ADAMTS2: variants seen among roughly 807,000 people sequenced by gnomAD.
ADAMTS2 encodes ADAM metallopeptidase with thrombospondin type 1 motif 2, also known as A disintegrin and metalloproteinase with thrombospondin motifs 2.
Under a neutral mutation model 123.0 loss-of-function variants are expected in ADAMTS2, and 50 were observed. The ratio of observed to expected loss-of-function variants is 0.41; its 90% CI spans 0.32 to 0.51. ADAMTS2 has a LOEUF of 0.51. Among genes scored for constraint, ADAMTS2 ranks in the 20% least tolerant of loss-of-function variants. ADAMTS2 has a pLI of 0.35. For synonymous variants in ADAMTS2, 678 were observed against 695.4 expected (o/e 0.98, Z 0.39); for missense variants, 1,494 against 1,705.2 (o/e 0.88, Z 2.18).
In ADAMTS2 at chr5:179,181,121, G is replaced by A. The variant is rs1253197089; in HGVS notation, c.926C>T (p.Ala309Val). Residue 309 changes from alanine (A) to valine (V), a missense_variant, in exon 5 of 22, where the codon GCC (alanine) becomes GTC (valine). This residue lies in a region of ADAMTS2 where 70 missense variants were observed against 85.3 expected (regional missense o/e 0.82). Transcript: ENST00000251582. The surrounding 1 kb of genome is among the most constrained non-coding windows in gnomAD (Gnocchi z 4.1). ...NEIYHDESLG[A>V]HINVVLVRII... ...CCGCACCAGGACCACGTTGATGTGG[G>A]CACCCAAGGACTCGTCATGGTAGAT... is the stretch of plus-strand genomic sequence containing the variant. 1.9e-6 allele frequency: 3 copies of A among 1,613,970 alleles called. No homozygotes were observed. In the Admixed American group the frequency reaches 5.0e-5, roughly 27 times the overall value.
chr5:179,227,286 A>G (rs1765312334), intron 3 of ADAMTS2, among the ~76,000 whole-genome samples: 1 of 152,230 alleles, frequency 6.6e-6, no homozygotes, highest in Non-Finnish European at 1.5e-5. Flanking sequence ...TCCTTAGTCC[A>G]GCCAAAAAGC....
At chr5:179,302,727 G>A (rs1581258807) in intron 2 of ADAMTS2, among the ~76,000 whole-genome samples, 1 of 152,160 alleles carries the variant, frequency 6.6e-6, no homozygotes, top group Admixed American at 6.5e-5. Context: ...TATTGTTGAG[G>A]GGGGCGGGGG....
At chr5:179,316,716 C>T (rs796279029) in intron 2 of ADAMTS2, among the ~76,000 whole-genome samples, 14 of 152,238 alleles carry the variant, frequency 9.2e-5, no homozygotes, top group South Asian at 2.1e-4. Flanking sequence ...GGCCAAGAAC[C>T]GCTTAAGTCC....
intron 2 of ADAMTS2, among the ~76,000 whole-genome samples, chr5:179,315,767 G>A (rs1208700327): frequency 6.6e-6 from 1 of 152,204 alleles, no homozygotes; most frequent in East Asian, 1.9e-4. Context: ...AGAGGGCTTG[G>A]TGGCTGCACC....
chr5:179,140,988 T>A (rs1414865757), intron 10 of ADAMTS2, among the ~76,000 whole-genome samples: 4 of 149,484 alleles, frequency 2.7e-5, no homozygotes, highest in East Asian at 2.0e-4. Flanking sequence ...TTTTTTTTTT[T>A]ATTTTTAGTA....
At chr5:179,226,598 G>A (rs530835077) in intron 3 of ADAMTS2, among the ~76,000 whole-genome samples, 18 of 152,064 alleles carry the variant, frequency 1.2e-4, no homozygotes, top group African/African-American at 4.1e-4. Flanking sequence ...GAAGACGCTC[G>A]ACCTCACCCT....
In ADAMTS2 at chr5:179,126,620, C is replaced by T. The variant is rs112062982; in HGVS notation, c.2618-490G>A. On this transcript the variant is annotated intron_variant, in intron 17 of 21. Coordinates refer to ENST00000251582, the MANE Select transcript of ADAMTS2 (RefSeq NM_014244.5). ...CAACTGGGGGAAGGGGTGCTACTGG[C>T]ATCTGGTGAGCAAAGGCCAAGGATG... 1.1e-3 allele frequency among the ~76,000 whole-genome samples: 165 copies of T among 152,358 alleles called. 1 individual carries two copies. Among genetic ancestry groups the T allele is most frequent in the African/African-American group, 3.7e-3 (152 of 41,592 alleles).
intron 4 of ADAMTS2, among the ~76,000 whole-genome samples, chr5:179,193,333 G>A (rs932864561): frequency 2.0e-5 from 3 of 152,138 alleles, no homozygotes; most frequent in African/African-American, 4.8e-5. Flanking sequence ...ACTTCCCCGC[G>A]TGCGATATCT....
At position 179,256,529 on chromosome 5, in the gene ADAMTS2, TGAGA is replaced by T. The variant is rs35916564; in HGVS notation, c.688+16378_688+16381del. Reference sequence around the variant, plus strand: ...GGGTGTGTGCATGCCTGCGTGTGTGTGAGAGAGAGAGAGGAGAGAGAGACGGAGA... The same window carrying T: ...GGGTGTGTGCATGCCTGCGTGTGTGTGAGAGAGAGGAGAGAGAGACGGAGA... On this transcript the variant is annotated intron_variant, in intron 3 of 21. Transcript: ENST00000251582. This position sits in a 1 kb window ranked among gnomAD's most constrained non-coding sequence, Gnocchi z 4.1. Among the ~76,000 whole-genome samples, 41,383 of 151,250 alleles carry T rather than the reference TGAGA, an allele frequency of 0.27. 7,152 individuals are homozygous for T. The highest frequency in any genetic ancestry group is 0.36 in the Non-Finnish European group (24,194 of 67,562).
rs1243318032 is a variant in ADAMTS2 at position 179,153,724 on chromosome 5, T to C, written c.1383-101A>G. 12 of 1,460,204 alleles carry C rather than the reference T, an allele frequency of 8.2e-6. No homozygotes were observed. The South Asian group carries it at 1.4e-4, about 17-fold the overall frequency. The allele number at this position is 1,460,204 out of a possible 1,614,324, so 90.5% of individuals were successfully genotyped here. A position where few individuals can be genotyped will look rare whatever the true frequency, so the allele number is the denominator to read the frequency against. On this transcript the variant is annotated intron_variant, in intron 8 of 21. Coordinates refer to ENST00000251582, the MANE Select transcript of ADAMTS2 (RefSeq NM_014244.5). ...CCTGCTGGAGCTGCCATGGCAGCCC[T>C]ACCTGCACATCCCGGCCCCTGGCTG...
At chr5:179,313,858 G>A (rs1447452815) in intron 2 of ADAMTS2, among the ~76,000 whole-genome samples, 1 of 64,046 alleles carries the variant, frequency 1.6e-5, no homozygotes, top group African/African-American at 6.5e-5. Flanking sequence ...CAGAGGGGAC[G>A]CACACGCATT....
intron 3 of ADAMTS2, among the ~76,000 whole-genome samples, chr5:179,271,668 C>T (rs1405663499): frequency 1.3e-5 from 2 of 152,238 alleles, no homozygotes; most frequent in African/African-American, 2.4e-5. Flanking sequence ...GCATAGCAGA[C>T]GCTGATTTGT....
rs193289061 is a variant in ADAMTS2 at position 179,236,118 on chromosome 5, G to A, written c.689-28403C>T. On this transcript the variant is annotated intron_variant, in intron 3 of 21. Transcript: ENST00000251582. The stretch of plus-strand genomic sequence containing the variant: ...TTAACCACACTCTGCCTAGCCCTCT[G>A]CCATGAGGTCAGCTCCGCTCCCAGG... Among the ~76,000 whole-genome samples the A allele has an allele frequency of 2.5e-3, 377 of 152,334 alleles. 4 individuals carry two copies. The highest frequency in any genetic ancestry group is 8.6e-3 in the African/African-American group (358 of 41,582).
chr5:179,167,307 G>A (rs1763721125), intron 5 of ADAMTS2, among the ~76,000 whole-genome samples: 1 of 151,958 alleles, frequency 6.6e-6, no homozygotes, highest in Non-Finnish European at 1.5e-5. Context: ...CGAGAACAGC[G>A]GCCCGGGCCG....
chr5:179,329,210 C>T (rs1205398045), intron 2 of ADAMTS2, among the ~76,000 whole-genome samples: 1 of 151,938 alleles, frequency 6.6e-6, no homozygotes, highest in Non-Finnish European at 1.5e-5. Context: ...GCCTGTAGTC[C>T]CAGCTACTCT....
intron 3 of ADAMTS2, among the ~76,000 whole-genome samples, chr5:179,253,997 C>T (rs1272714794): frequency 6.6e-6 from 1 of 152,184 alleles, no homozygotes; most frequent in Non-Finnish European, 1.5e-5. Context: ...TAATATATGC[C>T]ATCCCAGGGC....
chr5:179,265,538 AG>A (rs1009634290), intron 3 of ADAMTS2, among the ~76,000 whole-genome samples: 18 of 152,166 alleles, frequency 1.2e-4, no homozygotes, highest in African/African-American at 4.1e-4. Flanking sequence ...TTCACAGCCC[AG>A]GGGGTGGGAA....
In ADAMTS2 at chr5:179,277,302, CCCGAGACCAAAGG is replaced by C. The variant is rs1278556279; in HGVS notation, c.535-4251_535-4239del. 9.3e-4 allele frequency among the ~76,000 whole-genome samples: 137 copies of C among 147,556 alleles called. 4 individuals carry two copies. Among genetic ancestry groups the C allele is most frequent in the Admixed American group, 1.2e-3 (18 of 14,750 alleles). On this transcript the variant is annotated intron_variant, in intron 2 of 21. Transcript: ENST00000251582. ...GGACGATGAACATGGTGGCACCTGC[CCCGAGACCAAAGG>C]CTGACACCCCGAGACCAAAGGCTGA...
chr5:179,293,515 G>A (rs758764602), intron 2 of ADAMTS2, among the ~76,000 whole-genome samples: 4 of 152,270 alleles, frequency 2.6e-5, no homozygotes, highest in Admixed American at 6.5e-5. Context: ...CAGGACAAGC[G>A]TGGGACATCA....
Sources: gnomAD v4.1 joint callset for allele counts (sites outside exome capture counted in the v4.1 genomes callset) on GRCh38, gnomAD v4.1.1 for gene constraint, gnomAD v4.1.1 regional missense constraint, Gnocchi (gnomAD v3.1) non-coding constraint, MANE v1.5 for transcripts, NCBI Gene and HGNC (gene_info 2026-07-23, HGNC 2026-07-21) for gene names.